MTMR14: variants seen among roughly 807,000 people sequenced by gnomAD.
MTMR14 encodes the protein phosphatidylinositol-3,5-bisphosphate 3-phosphatase MTMR14.
Under a neutral mutation model 86.3 loss-of-function variants are expected in MTMR14, and 48 were observed. The observed-to-expected ratio is 0.56, with a 90% CI of 0.44 to 0.71. MTMR14 has a LOEUF of 0.71. Among genes scored for constraint, MTMR14 ranks in the 30% least tolerant of loss-of-function variants. MTMR14 has a pLI of 0.00. For synonymous variants in MTMR14, 366 were observed against 326.1 expected (o/e 1.12, Z -1.32); for missense variants, 780 against 834.6 (o/e 0.93, Z 0.81).
chr3:9,685,215 A>T lies in MTMR14; in HGVS notation c.1132A>T (p.Met378Leu), dbSNP rs763943891. 6.2e-7 allele frequency: 1 copy of T among 1,613,994 alleles called. No individual in the cohort carries two copies. Among genetic ancestry groups the T allele is most frequent in the Admixed American group, 1.7e-5 (1 of 60,002 alleles). Residue 378 changes from methionine to leucine, a missense_variant, in exon 13 of 19, where the codon ATG (methionine) becomes TTG (leucine). Met to Leu is a conservative substitution (Grantham distance 15). Transcript: ENST00000296003. ...TCTCTACCCTCCTTTTTTCAGGCAC[A>T]TGTTGGTAGATCGGCTCAGCAAAGG... is the stretch of plus-strand genomic sequence containing the variant. ...VAYDWFLFGH[M>L]LVDRLSKGEE...
chr3:9,695,348 C>T (rs1232640196), intron 17 of MTMR14, among the ~76,000 whole-genome samples: 7 of 152,272 alleles, frequency 4.6e-5, no homozygotes, highest in South Asian at 4.1e-4. Flanking sequence ...AAAGGCCTCA[C>T]GTAGGAAGAC....
At chr3:9,672,494 C>T (rs1156906399) in intron 6 of MTMR14, among the ~76,000 whole-genome samples, 191 bp from the exon 7 acceptor site, 1 of 152,192 alleles carries the variant, frequency 6.6e-6, no homozygotes, top group Admixed American at 6.5e-5. Context: ...ACATGACCTC[C>T]AGCCGATGCA....
Position 9,671,039 on chromosome 3 carries a change from T to G in MTMR14, c.555-9T>G. The G allele has an allele frequency of 6.2e-7, 1 of 1,614,088 alleles. No individual in the cohort carries two copies. The highest frequency in any genetic ancestry group is 8.5e-7 in the Non-Finnish European group (1 of 1,179,958). On this transcript the variant is annotated splice_polypyrimidine_tract_variant and intron_variant, in intron 5 of 18. Coordinates refer to ENST00000296003, the MANE Select transcript of MTMR14 (RefSeq NM_001077525.3). ...CCATGTAACTTCTCCCTCTGGCTCTTTATTTCAGAAGTGGTGACACGCATC... is the reference window on the plus strand; with the variant it reads ...CCATGTAACTTCTCCCTCTGGCTCTGTATTTCAGAAGTGGTGACACGCATC...
chr3:9,668,892 C>A, intron 4 of MTMR14, 98 bp downstream of exon 4: 1 of 1,279,564 alleles, frequency 7.8e-7, no homozygotes, highest in Non-Finnish European at 1.1e-6. Flanking sequence ...GTAATCTCAA[C>A]ACTTTGGGAG....
chr3:9,676,286 A>G (rs560055449), intron 7 of MTMR14, among the ~76,000 whole-genome samples: 6 of 152,358 alleles, frequency 3.9e-5, no homozygotes, highest in Middle Eastern at 6.8e-3. Context: ...TTCTCCCACC[A>G]TATTTCTTGA....
chr3:9,663,503 T>C (rs28631579), intron 3 of MTMR14, among the ~76,000 whole-genome samples: 2,482 of 108,274 alleles, frequency 0.023, 81 homozygotes, highest in African/African-American at 0.11. Context: ...GTCTCTCTCT[T>C]TTTTTTTTTT....
rs372439445 is a variant in MTMR14, at chr3:9,696,057, G to C, written c.1614-1654G>C. Reference sequence around the variant, plus strand: ...TAATGCTGCCATCACGCACCTTCTAGAGTTTAGCAGGAATGATGAATGTGA... The same window carrying C: ...TAATGCTGCCATCACGCACCTTCTACAGTTTAGCAGGAATGATGAATGTGA... On this transcript the variant is annotated intron_variant, in intron 17 of 18. Coordinates refer to ENST00000296003, the MANE Select transcript of MTMR14 (RefSeq NM_001077525.3). 3.9e-5 allele frequency among the ~76,000 whole-genome samples: 6 copies of C among 152,324 alleles called. No homozygotes were observed. The East Asian group carries it at 1.2e-3, about 29-fold the overall frequency.
intron 7 of MTMR14, 143 bp downstream of exon 7, chr3:9,672,901 C>T: frequency 1.3e-6 from 1 of 782,160 alleles, no homozygotes; most frequent in Non-Finnish European, 2.3e-6. Flanking sequence ...ATTTTGGTTC[C>T]CAGTCACAGG....
At chr3:9,687,299 T>A (rs970116388) in intron 13 of MTMR14, among the ~76,000 whole-genome samples, 4 of 152,096 alleles carry the variant, frequency 2.6e-5, no homozygotes, top group Admixed American at 2.6e-4. Context: ...TTGACGCCTG[T>A]AATCCCAGCA....
intron 7 of MTMR14, among the ~76,000 whole-genome samples, chr3:9,673,951 GTGA>G (rs549909023): frequency 4.0e-4 from 61 of 151,922 alleles, no homozygotes; most frequent in Admixed American, 2.4e-3. Flanking sequence ...GTTGATGATG[GTGA>G]TGATGATGAT....
At chr3:9,684,710 G>A (rs572440000) in intron 11 of MTMR14, 40 bp downstream of exon 11, 2 of 1,610,136 alleles carry the variant, frequency 1.2e-6, no homozygotes, top group South Asian at 1.1e-5. Flanking sequence ...TGCTCTTTGG[G>A]TGTGTTAGGA....
chr3:9,688,068 G>A (rs920729416), intron 14 of MTMR14, among the ~76,000 whole-genome samples, 177 bp downstream of exon 14: 1 of 152,340 alleles, frequency 6.6e-6, no homozygotes, highest in Non-Finnish European at 1.5e-5. Context: ...GGCCACTGGT[G>A]AAGAGGCTCT....
chr3:9,650,543 C>G (rs560871725), intron 1 of MTMR14: 10 of 349,886 alleles, frequency 2.9e-5, no homozygotes, highest in African/African-American at 1.9e-4. Flanking sequence ...AGTTGCTATT[C>G]TGTAGTTGGC....
rs760401751 is a variant in MTMR14, at chr3:9,685,277, C to T, written c.1164+30C>T. ...GTATACCACCTACGACTTGTGGGCACAGCTCAGCACTGAAAGAGGGGCAGT... is the reference window on the plus strand; with the variant it reads ...GTATACCACCTACGACTTGTGGGCATAGCTCAGCACTGAAAGAGGGGCAGT... On this transcript the variant is annotated intron_variant, in intron 13 of 18. Transcript: ENST00000296003. The T allele has an allele frequency of 2.5e-6, 4 of 1,613,608 alleles. No homozygotes were observed. In the East Asian group the frequency reaches 6.7e-5, roughly 27 times the overall value.
intron 1 of MTMR14, among the ~76,000 whole-genome samples, chr3:9,652,357 G>T (rs1375236637): frequency 6.6e-6 from 1 of 152,208 alleles, no homozygotes; most frequent in African/African-American, 2.4e-5. Flanking sequence ...ATTTTAGGGG[G>T]AGCTGTTTCT....
intron 9 of MTMR14, among the ~76,000 whole-genome samples, chr3:9,680,974 C>T (rs1409373117): frequency 6.6e-6 from 1 of 152,252 alleles, no homozygotes; most frequent in Non-Finnish European, 1.5e-5. Flanking sequence ...GAAGCCTTCT[C>T]TGATGTCCCT....
chr3:9,658,786 G>A (rs997872198), intron 2 of MTMR14, among the ~76,000 whole-genome samples: 2 of 152,196 alleles, frequency 1.3e-5, no homozygotes, highest in African/African-American at 4.8e-5. Context: ...TTTATCTCAG[G>A]AAGTTGTGGG....
At chr3:9,668,889 C>G in intron 4 of MTMR14, 95 bp downstream of exon 4, 2 of 1,323,260 alleles carry the variant, frequency 1.5e-6, no homozygotes, top group Non-Finnish European at 2.2e-6. Context: ...CCTGTAATCT[C>G]AACACTTTGG....
In MTMR14 at chr3:9,687,873, C is replaced by G; in HGVS notation, c.1217C>G (p.Ser406Cys). Residue 406 changes from serine (S) to cysteine (C), a missense_variant, in exon 14 of 19, where the codon TCT becomes TGT. Transcript: ENST00000296003. ...FLKHITSEEFSALKTQRRKSL... is the reference protein window; with the variant it reads ...FLKHITSEEFCALKTQRRKSL... The stretch of plus-strand genomic sequence containing the variant: ...AAGCATATTACCTCCGAGGAGTTCT[C>G]TGCTCTGAAGACCCAGAGGTAAGTG... 6.3e-7 allele frequency: 1 copy of G among 1,589,032 alleles called. No individual in the cohort carries two copies. The highest frequency in any genetic ancestry group is 8.6e-7 in the Non-Finnish European group (1 of 1,165,392).
Sources: gnomAD v4.1 joint callset for allele counts (sites outside exome capture counted in the v4.1 genomes callset) on GRCh38, gnomAD v4.1.1 for gene constraint, MANE v1.5 for transcripts, NCBI Gene and HGNC (gene_info 2026-07-23, HGNC 2026-07-21) for gene names.